The following EIPR1 variants were observed in gnomAD, a reference collection of about 807,000 sequenced individuals.
EIPR1 encodes the protein EARP and GARP complex-interacting protein 1.
A neutral mutation model predicts 48.1 loss-of-function variants in EIPR1; 25 were observed. The observed-to-expected ratio is 0.52, with a 90% CI of 0.38 to 0.73. The LOEUF (loss-of-function observed/expected upper bound fraction) is 0.73. Among genes scored for constraint, EIPR1 ranks in the 30% least tolerant of loss-of-function variants. The pLI is 0.00. For missense variants in EIPR1, 415 were observed against 506.2 expected (o/e 0.82, Z 1.73); for synonymous variants, 204 against 201.9 (o/e 1.01, Z -0.09).
chr2:3,259,814 CAA>C (rs1667271205), intron 3 of EIPR1, among the ~76,000 whole-genome samples: 1 of 152,238 alleles, frequency 6.6e-6, no homozygotes, highest in Admixed American at 6.5e-5. Flanking sequence ...AAATAACACT[CAA>C]GAGTGGAGAA....
intron 4 of EIPR1, among the ~76,000 whole-genome samples, chr2:3,248,002 G>A (rs1666889266): frequency 6.6e-6 from 1 of 152,058 alleles, no homozygotes; most frequent in South Asian, 2.1e-4. Context: ...CCCTCCACAT[G>A]TCATGTTGCA....
In EIPR1 at chr2:3,345,807, G is replaced by A. The variant is rs954358304; in HGVS notation, c.127-7658C>T. Among the ~76,000 whole-genome samples the A allele has an allele frequency of 6.6e-5, 10 of 151,966 alleles. No homozygotes were observed. In the East Asian group the frequency reaches 1.2e-3, roughly 18 times the overall value. ...GGATGCACATGTAGGAAGGGAATGCGGCCCCGGGGCACCACGCTTATCTTT... is the reference window on the plus strand; with the variant it reads ...GGATGCACATGTAGGAAGGGAATGCAGCCCCGGGGCACCACGCTTATCTTT... On this transcript the variant is annotated intron_variant, in intron 2 of 8. Transcript: ENST00000382125.
At chr2:3,200,391 TC>T (rs969495478) in intron 5 of EIPR1, among the ~76,000 whole-genome samples, 6 of 152,314 alleles carry the variant, frequency 3.9e-5, no homozygotes, top group African/African-American at 1.4e-4. Flanking sequence ...TTTTACGATA[TC>T]CCTGGTAAAC....
chr2:3,225,644 G>A (rs1227237342), intron 4 of EIPR1, among the ~76,000 whole-genome samples: 1 of 150,938 alleles, frequency 6.6e-6, no homozygotes, highest in Non-Finnish European at 1.5e-5. Flanking sequence ...CCTTTTTTTT[G>A]TCATGCACAC....
At chr2:3,351,231 T>C (rs903399796) in intron 2 of EIPR1, among the ~76,000 whole-genome samples, 5 of 152,094 alleles carry the variant, frequency 3.3e-5, no homozygotes, top group African/African-American at 4.8e-5. Flanking sequence ...GAACTCTTCA[T>C]CTCAAGTGAT....
intron 1 of EIPR1, among the ~76,000 whole-genome samples, chr2:3,373,456 C>T (rs1204902536): frequency 6.6e-6 from 1 of 152,022 alleles, no homozygotes; most frequent in African/African-American, 2.4e-5. Context: ...TTGCAGACGA[C>T]ATGATTGTAT....
chr2:3,228,276 A>C (rs1424343327), intron 4 of EIPR1, among the ~76,000 whole-genome samples: 1 of 152,266 alleles, frequency 6.6e-6, no homozygotes, highest in African/African-American at 2.4e-5. Flanking sequence ...CATGGAGTCA[A>C]AGGAGATCAT....
chr2:3,342,842 T>C (rs950807183), intron 2 of EIPR1, among the ~76,000 whole-genome samples: 4 of 152,234 alleles, frequency 2.6e-5, no homozygotes, highest in Non-Finnish European at 5.9e-5. Context: ...CCACATATCC[T>C]TATTTTATGG....
At chr2:3,342,675 C>G (rs184574891) in intron 2 of EIPR1, among the ~76,000 whole-genome samples, 1 of 152,244 alleles carries the variant, frequency 6.6e-6, no homozygotes, top group African/African-American at 2.4e-5. Flanking sequence ...CCTGGATGCA[C>G]GCATCTCCTC....
At chr2:3,252,283 T>C (rs540028668) in intron 4 of EIPR1, among the ~76,000 whole-genome samples, 96 of 151,640 alleles carry the variant, frequency 6.3e-4, no homozygotes, top group African/African-American at 2.2e-3. Context: ...CAGCGGCAAC[T>C]CCTACGAAGA....
chr2:3,240,821 C>A (rs1162898249), intron 4 of EIPR1, among the ~76,000 whole-genome samples: 1 of 145,546 alleles, frequency 6.9e-6, no homozygotes, highest in Admixed American at 6.8e-5. Flanking sequence ...CTTCCTAAAG[C>A]AAAGCCAGCA....
intron 3 of EIPR1, among the ~76,000 whole-genome samples, chr2:3,263,649 C>T (rs1667401411): frequency 1.3e-5 from 2 of 152,006 alleles, no homozygotes; most frequent in South Asian, 4.2e-4. Context: ...GCGCCCTCCC[C>T]AGGAGGTGGC....
At chr2:3,234,051 C>A (rs1395265779) in intron 4 of EIPR1, among the ~76,000 whole-genome samples, 1 of 152,164 alleles carries the variant, frequency 6.6e-6, no homozygotes, top group Non-Finnish European at 1.5e-5. Flanking sequence ...CAGGATCCAA[C>A]AGAACTTTAT....
At position 3,287,640 on chromosome 2, in the gene EIPR1, G is replaced by T. The variant is rs1055365451; in HGVS notation, c.260-30185C>A. Among the ~76,000 whole-genome samples, 6 of 141,726 alleles carry T rather than the reference G, an allele frequency of 4.2e-5. No individual in the cohort carries two copies. In the South Asian group the frequency reaches 1.4e-3, roughly 32 times the overall value. The allele number at this position is 141,726 out of a possible 152,430, so 93.0% of individuals were successfully genotyped here. ...AGGCTCCAGAAAGTTCGTTCACCAC[G>T]CTCCGGAAAGCTCGTTCACCACAAT... On this transcript the variant is annotated intron_variant, in intron 3 of 8. Coordinates refer to ENST00000382125, the MANE Select transcript of EIPR1 (RefSeq NM_003310.5).
chr2:3,307,103 C>T (rs61589214), intron 3 of EIPR1, among the ~76,000 whole-genome samples: 15,310 of 151,916 alleles, frequency 0.1, 2,210 homozygotes, highest in East Asian at 0.58. Flanking sequence ...GATGGGATTA[C>T]AGGCGCCTGC....
intron 3 of EIPR1, among the ~76,000 whole-genome samples, chr2:3,308,486 C>G (rs1263246491): frequency 6.6e-6 from 1 of 151,902 alleles, no homozygotes; most frequent in African/African-American, 2.4e-5. Context: ...ATTTGAACAC[C>G]AGACCAGAGA....
intron 3 of EIPR1, among the ~76,000 whole-genome samples, chr2:3,322,709 G>A (rs766747767): frequency 4.4e-4 from 67 of 152,228 alleles, no homozygotes; most frequent in Admixed American, 9.8e-4. Context: ...AGGGTCCGGT[G>A]AAGACAGCAC....
chr2:3,306,703 T>C (rs1668954505), intron 3 of EIPR1, among the ~76,000 whole-genome samples: 1 of 152,242 alleles, frequency 6.6e-6, no homozygotes, highest in Admixed American at 6.5e-5. Context: ...GGAAGTGGGA[T>C]CATCATAAAG....
At chr2:3,284,642 C>A (rs1291097799) in intron 3 of EIPR1, among the ~76,000 whole-genome samples, 3 of 152,262 alleles carry the variant, frequency 2.0e-5, no homozygotes, top group Non-Finnish European at 4.4e-5. Context: ...TATTTCCATT[C>A]TGTTGATGAG....
Sources: gnomAD v4.1 joint callset for allele counts (sites outside exome capture counted in the v4.1 genomes callset) on GRCh38, gnomAD v4.1.1 for gene constraint, MANE v1.5 for transcripts, NCBI Gene and HGNC (gene_info 2026-07-23, HGNC 2026-07-21) for gene names.